Variants in HRH1 observed in about 807,000 individuals in gnomAD.
The protein encoded by HRH1 is histamine receptor H1, also known as histamine H1 receptor.
A neutral mutation model predicts 10.3 loss-of-function variants in HRH1; 6 were observed. The ratio of observed to expected loss-of-function variants is 0.58; its 90% CI spans 0.32 to 1.15. The LOEUF (loss-of-function observed/expected upper bound fraction) is 1.15. Among genes scored for constraint, HRH1 ranks in the 50% most tolerant of loss-of-function variants. The pLI is 0.05. For synonymous variants in HRH1, 242 were observed against 236.7 expected (o/e 1.02, Z -0.21); for missense variants, 514 against 615.3 (o/e 0.84, Z 1.74).
In HRH1 at chr3:11,194,579, G is replaced by A. The variant is rs558739677; in HGVS notation, c.-36+40025G>A. On this transcript the variant is annotated intron_variant, in intron 1 of 1. Coordinates refer to ENST00000431010, the MANE Select transcript of HRH1 (RefSeq NM_001098212.2). ...ATGTTGGCTCACGCCTGTAATCCCA[G>A]CACTTTGGGAGGCTGAGGTGGGTCA... Among the ~76,000 whole-genome samples, 29 of 152,292 alleles carry A rather than the reference G, an allele frequency of 1.9e-4. No homozygotes were observed. In the East Asian group the frequency reaches 4.3e-3, roughly 22 times the overall value.
chr3:11,167,834 C>T (rs1013919293), intron 1 of HRH1, among the ~76,000 whole-genome samples: 8 of 152,216 alleles, frequency 5.3e-5, no homozygotes, highest in African/African-American at 1.7e-4. Context: ...TTGGGGCCTG[C>T]CAGGCCTTGC....
chr3:11,260,476 A>G lies in HRH1; in HGVS notation c.1439A>G (p.Lys480Arg). 4.4e-6 allele frequency: 7 copies of G among 1,607,304 alleles called. No individual in the cohort carries two copies. The highest frequency in any genetic ancestry group is 6.0e-6 in the Non-Finnish European group (7 of 1,175,966). ...LCNENFKKTF[K>R]RILHIRS ...AATGAGAACTTCAAGAAGACATTCA[A>G]GAGAATTCTGCATATTCGCTCCTAA... Residue 480 changes from lysine to arginine, a missense_variant, in exon 2 of 2, where the codon AAG becomes AGG. Coordinates refer to ENST00000431010, the MANE Select transcript of HRH1 (RefSeq NM_001098212.2).
chr3:11,219,714 CAAAAA>C (rs58875644), intron 1 of HRH1, among the ~76,000 whole-genome samples: 1 of 76,774 alleles, frequency 1.3e-5, no homozygotes. Flanking sequence ...GACTTCATCT[CAAAAA>C]AAAAAAAAAA....
intron 1 of HRH1, among the ~76,000 whole-genome samples, chr3:11,143,105 C>T (rs191720173): frequency 1.2e-4 from 18 of 152,028 alleles, no homozygotes; most frequent in South Asian, 6.3e-4. Flanking sequence ...ACAGAGGGGA[C>T]GCAGGGGTCA....
In HRH1 at chr3:11,154,507, G is replaced by A. The variant is rs1203082063; in HGVS notation, c.-83G>A. On this transcript the variant is annotated 5_prime_UTR_variant, in exon 1 of 2. Transcript: ENST00000431010. The surrounding 1 kb of genome is among the most constrained non-coding windows in gnomAD (Gnocchi z 4.4). The stretch of plus-strand genomic sequence containing the variant: ...CCGCCCCCGCGACACCCAGCAGCCT[G>A]GCCGCCGCGGCCAACGCGCCACCAA... 23 of 149,608 alleles carry A rather than the reference G, an allele frequency of 1.5e-4. No homozygotes were observed. The highest frequency in any genetic ancestry group is 5.4e-4 in the African/African-American group (22 of 41,046). The allele number at this position is 149,608 out of a possible 1,614,324, so 9.3% of individuals were successfully genotyped here.
chr3:11,210,882 A>G (rs1170116277), intron 1 of HRH1, among the ~76,000 whole-genome samples: 3 of 152,094 alleles, frequency 2.0e-5, no homozygotes, highest in African/African-American at 4.8e-5. Flanking sequence ...GTAGAGCATC[A>G]TGCAGTTAGA....
At chr3:11,196,179 C>T (rs1937643807) in intron 1 of HRH1, among the ~76,000 whole-genome samples, 1 of 152,226 alleles carries the variant, frequency 6.6e-6, no homozygotes, top group Non-Finnish European at 1.5e-5. Flanking sequence ...CACGATCTTG[C>T]ATGATCCAGC....
At chr3:11,216,220 C>G (rs1246855016) in intron 1 of HRH1, among the ~76,000 whole-genome samples, 1 of 152,086 alleles carries the variant, frequency 6.6e-6, no homozygotes, top group Admixed American at 6.6e-5. Context: ...GGCAGCTCCT[C>G]AAAAAATTAA....
intron 1 of HRH1, among the ~76,000 whole-genome samples, chr3:11,258,242 C>CAAAAA (rs33992856): frequency 1.0e-3 from 76 of 76,230 alleles, no homozygotes; most frequent in Non-Finnish European, 1.3e-3. Flanking sequence ...TGATGTAAGC[C>CAAAAA]AAAAAAAAAA....
At chr3:11,180,591 T>G (rs1442016827) in intron 1 of HRH1, among the ~76,000 whole-genome samples, 1 of 152,092 alleles carries the variant, frequency 6.6e-6, no homozygotes, top group Non-Finnish European at 1.5e-5. Flanking sequence ...GCCCAGGGGT[T>G]GGGTACCCCT....
chr3:11,154,390 T>G (rs1398197693), upstream of HRH1: 2 of 150,484 alleles, frequency 1.3e-5, no homozygotes, highest in African/African-American at 2.4e-5. The surrounding 1 kb of genome is among the most constrained non-coding windows in gnomAD (Gnocchi z 4.4). Context: ...GGGGCCCGGG[T>G]CCCCGCCTTC....
intron 1 of HRH1, among the ~76,000 whole-genome samples, chr3:11,242,436 A>G (rs1666987): frequency 0.45 from 65,098 of 144,822 alleles, 15,889 homozygotes; most frequent in African/African-American, 0.65. Flanking sequence ...AGCCAAGATC[A>G]TGCCACTGCA....
intron 1 of HRH1, among the ~76,000 whole-genome samples, chr3:11,157,344 A>G (rs1936829955): frequency 6.6e-6 from 1 of 152,238 alleles, no homozygotes; most frequent in East Asian, 1.9e-4. Flanking sequence ...AATTGTAAGT[A>G]ATTCTCATTA....
intron 1 of HRH1, among the ~76,000 whole-genome samples, chr3:11,258,436 C>T (rs940602840): frequency 2.0e-5 from 3 of 152,164 alleles, no homozygotes; most frequent in Non-Finnish European, 4.4e-5. Flanking sequence ...ACATCACTTC[C>T]TCACATCCTG....
At chr3:11,249,882 T>C (rs1413336309) in intron 1 of HRH1, among the ~76,000 whole-genome samples, 5 of 151,178 alleles carry the variant, frequency 3.3e-5, no homozygotes, top group Admixed American at 3.3e-4. Flanking sequence ...TGAAGTAGAG[T>C]TGTCTTTGAC....
intron 1 of HRH1, among the ~76,000 whole-genome samples, chr3:11,178,514 G>A (rs576314511): frequency 2.7e-4 from 41 of 152,346 alleles, no homozygotes; most frequent in African/African-American, 9.6e-4. Flanking sequence ...GCATGCGCCT[G>A]TGATCTTTCT....
intron 1 of HRH1, among the ~76,000 whole-genome samples, chr3:11,245,215 T>C (rs920522680): frequency 3.3e-5 from 5 of 152,138 alleles, no homozygotes; most frequent in Non-Finnish European, 7.4e-5. Flanking sequence ...TAGCCGGGTA[T>C]GGTGCTGCAC....
At chr3:11,195,584 G>T (rs892712669) in intron 1 of HRH1, among the ~76,000 whole-genome samples, 6 of 152,220 alleles carry the variant, frequency 3.9e-5, no homozygotes, top group African/African-American at 1.4e-4. Context: ...TGACAGTATT[G>T]GATGAAATGA....
chr3:11,257,330 T>C (rs1575047413), intron 1 of HRH1, among the ~76,000 whole-genome samples: 3 of 145,140 alleles, frequency 2.1e-5, no homozygotes, highest in Admixed American at 6.9e-5. Context: ...CCAGCGTGGG[T>C]GGATCACCTG....
Sources: allele counts gnomAD v4.1 joint callset (sites outside exome capture counted in the v4.1 genomes callset), GRCh38; gene constraint gnomAD v4.1.1; non-coding constraint Gnocchi (gnomAD v3.1); transcripts MANE v1.5; gene names NCBI Gene and HGNC (gene_info 2026-07-23, HGNC 2026-07-21).